The following ARHGEF17 variants were observed in gnomAD, a reference collection of about 807,000 sequenced individuals.
The protein encoded by ARHGEF17 is Rho guanine nucleotide exchange factor 17, also known as 164 kDa Rho-specific guanine-nucleotide exchange factor.
Under a neutral mutation model 174.0 loss-of-function variants are expected in ARHGEF17, and 80 were observed. The observed-to-expected ratio is 0.46, with a 90% CI of 0.38 to 0.55. The LOEUF is 0.55. Among genes scored for constraint, ARHGEF17 ranks in the 20% least tolerant of loss-of-function variants. ARHGEF17 has a pLI of 0.00. For synonymous variants in ARHGEF17, 1,311 were observed against 1,189.1 expected (o/e 1.10, Z -2.11); for missense variants, 2,886 against 2,839.7 (o/e 1.02, Z -0.37).
intron 1 of ARHGEF17, among the ~76,000 whole-genome samples, chr11:73,331,071 G>GAGGC (rs1440540092): frequency 6.6e-6 from 1 of 152,186 alleles, no homozygotes; most frequent in Non-Finnish European, 1.5e-5. Context: ...TCCCTACCGT[G>GAGGC]AGGCAGGCAC....
Position 73,346,999 on chromosome 11 carries a change from T to C in ARHGEF17, c.3270+39T>C, listed in dbSNP as rs543611468. 1.2e-4 allele frequency: 183 copies of C among 1,571,432 alleles called. 2 individuals carry two copies. In the South Asian group the frequency reaches 2.0e-3, roughly 17 times the overall value. On this transcript the variant is annotated intron_variant, in intron 2 of 20. Transcript: ENST00000263674. Reference sequence around the variant, plus strand: ...CCCACTCCCCTGAGAATGGCCTTTCTGAGCCTAGGAGGCTGTCAGATGGGT... The same window carrying C: ...CCCACTCCCCTGAGAATGGCCTTTCCGAGCCTAGGAGGCTGTCAGATGGGT...
intron 1 of ARHGEF17, among the ~76,000 whole-genome samples, chr11:73,342,168 TCTAGGGGTGGGAGC>T (rs1865381130): frequency 2.0e-5 from 3 of 150,070 alleles, no homozygotes; most frequent in Non-Finnish European, 3.0e-5. Flanking sequence ...GGGAGCACAG[TCTAGGGGTGGGAGC>T]ACAGTCTAGG....
At chr11:73,327,685 A>G (rs1435416734) in intron 1 of ARHGEF17, among the ~76,000 whole-genome samples, 1 of 152,160 alleles carries the variant, frequency 6.6e-6, no homozygotes, top group Non-Finnish European at 1.5e-5. Context: ...GGTTGGAGGA[A>G]CTACTGTGGC....
chr11:73,314,506 A>T (rs1383020271), intron 1 of ARHGEF17, among the ~76,000 whole-genome samples: 5 of 152,104 alleles, frequency 3.3e-5, no homozygotes, highest in African/African-American at 1.2e-4. Context: ...GTACAGTGGG[A>T]GGTTAGACTG....
At position 73,312,734 on chromosome 11, in the gene ARHGEF17, T is replaced by TC. The variant is rs1328889768; in HGVS notation, c.3192+905dup. ...GGGCTGCCTCTATGGGTCTGGGGGG[T>TC]CGGTTCTTGTTCCCCCATCCTGTCT... On this transcript the variant is annotated intron_variant, in intron 1 of 20. Coordinates refer to ENST00000263674, the MANE Select transcript of ARHGEF17 (RefSeq NM_014786.4). Among the ~76,000 whole-genome samples the TC allele has an allele frequency of 9.1e-4, 138 of 150,960 alleles. 1 individual carries two copies. Among genetic ancestry groups the TC allele is most frequent in the African/African-American group, 3.2e-3 (132 of 41,058 alleles).
At chr11:73,325,699 G>C (rs1229744892) in intron 1 of ARHGEF17, among the ~76,000 whole-genome samples, 1 of 152,216 alleles carries the variant, frequency 6.6e-6, no homozygotes, top group African/African-American at 2.4e-5. Flanking sequence ...GAGTAGATTG[G>C]GGCAGCCAGA....
At chr11:73,316,092 GC>G (rs1240632735) in intron 1 of ARHGEF17, among the ~76,000 whole-genome samples, 1 of 152,198 alleles carries the variant, frequency 6.6e-6, no homozygotes, top group East Asian at 1.9e-4. Flanking sequence ...CTGGAAACTG[GC>G]CGAGGGACTT....
Position 73,362,062 on chromosome 11 carries a change from T to C in ARHGEF17, c.4517T>C (p.Leu1506Pro). ...GMQFSCAAPT[L>P]NSCPEPSPEV... Reference sequence around the variant, plus strand: ...CAGTTCTCCTGTGCGGCTCCCACCCTGAACAGCTGCCCGGAGCCCTCGCCT... The same window carrying C: ...CAGTTCTCCTGTGCGGCTCCCACCCCGAACAGCTGCCCGGAGCCCTCGCCT... The change falls in exon 13 of 21, where the codon CTG becomes CCG. Residue 1506 changes from leucine (L) to proline (P), a missense_variant. Leu to Pro is a moderately conservative substitution (Grantham distance 98). This residue lies in a region of ARHGEF17 where 476 missense variants were observed against 473.1 expected (regional missense o/e 1.01). Transcript: ENST00000263674. 1 of 1,612,682 alleles carries C rather than the reference T, an allele frequency of 6.2e-7. No individual in the cohort carries two copies. Among genetic ancestry groups the C allele is most frequent in the Non-Finnish European group, 8.5e-7 (1 of 1,179,820 alleles).
At chr11:73,323,780 G>T (rs1865056400) in intron 1 of ARHGEF17, among the ~76,000 whole-genome samples, 1 of 151,662 alleles carries the variant, frequency 6.6e-6, no homozygotes, top group Non-Finnish European at 1.5e-5. Context: ...CCCCAAGGCT[G>T]GTGGAGGAAT....
intron 11 of ARHGEF17, 32 bp downstream of exon 11, chr11:73,360,565 C>G (rs759546523): frequency 1.2e-6 from 2 of 1,610,752 alleles, no homozygotes; most frequent in South Asian, 2.2e-5. Context: ...CCCTCTCCTC[C>G]TAGAGCTTCC....
At chr11:73,366,004 C>T (rs1023188727) in intron 20 of ARHGEF17, 57 bp downstream of exon 20, 1 of 1,556,536 alleles carries the variant, frequency 6.4e-7, no homozygotes, top group African/African-American at 1.3e-5. Context: ...TTTAGGACTC[C>T]CCACTATCCT....
chr11:73,336,924 C>G (rs1412029460), intron 1 of ARHGEF17, among the ~76,000 whole-genome samples: 7 of 152,338 alleles, frequency 4.6e-5, no homozygotes. Flanking sequence ...CTGGGCTTCC[C>G]CACAACGTGG....
chr11:73,308,508 C>G lies in ARHGEF17; in HGVS notation c.-131C>G. 1 of 796,642 alleles carries G rather than the reference C, an allele frequency of 1.3e-6. No individual in the cohort carries two copies. Among genetic ancestry groups the G allele is most frequent in the South Asian group, 2.8e-5 (1 of 36,348 alleles). The allele number at this position is 796,642 out of a possible 1,614,324, so 49.3% of individuals were successfully genotyped here. On this transcript the variant is annotated 5_prime_UTR_variant, in exon 1 of 21. Coordinates refer to ENST00000263674, the MANE Select transcript of ARHGEF17 (RefSeq NM_014786.4). ...GCGGCAGAGAAACCTCTGCTCCGGT[C>G]TCTGCGTCCTCTTCCCACACTCCCG...
At chr11:73,356,028 GC>G in intron 5 of ARHGEF17, 75 bp downstream of exon 5, 1 of 1,590,366 alleles carries the variant, frequency 6.3e-7, no homozygotes, top group East Asian at 2.2e-5. Context: ...TAAGGCCCCT[GC>G]CTCGTTGAGC....
At position 73,357,042 on chromosome 11, in the gene ARHGEF17, G is replaced by A; in HGVS notation, c.3909G>A (p.Lys1303=). Residue 1303 remains lysine, a synonymous_variant, in exon 8 of 21, where the codon AAG becomes AAA. Coordinates refer to ENST00000263674, the MANE Select transcript of ARHGEF17 (RefSeq NM_014786.4). ...MVIEVKAIGG[K]KDRSLFLFTD... ...CTCCACAGAAGGCGATCGGTGGCAA[G>A]AAGGACCGGTCTCTCTTCCTGTTCA... The A allele has an allele frequency of 1.2e-6, 2 of 1,614,180 alleles. No homozygotes were observed. Among genetic ancestry groups the A allele is most frequent in the Non-Finnish European group, 1.7e-6 (2 of 1,180,036 alleles).
rs1317128001 is a variant in ARHGEF17 at position 73,360,361 on chromosome 11, C to T, written c.4248C>T (p.His1416=). 3.1e-6 allele frequency: 5 copies of T among 1,613,784 alleles called. No individual in the cohort carries two copies. The highest frequency in any genetic ancestry group is 3.3e-5 in the Admixed American group (2 of 60,012). ...TGCGGGACCTCTCAGCTGCCATGCA[C>T]CGGGACCTGTCGGAGAAGCAGGCGC... ...DALRDLSAAM[H]RDLSEKQALC... The change falls in exon 11 of 21, where the codon CAC becomes CAT. Residue 1416 remains histidine, a synonymous_variant. Transcript: ENST00000263674.
intron 1 of ARHGEF17, among the ~76,000 whole-genome samples, chr11:73,335,129 G>C (rs1565196087): frequency 6.6e-6 from 1 of 152,194 alleles, no homozygotes. Context: ...ATAGGGGAAG[G>C]TGGGTGCATT....
At chr11:73,364,306 G>T in intron 17 of ARHGEF17, 67 bp downstream of exon 17, 3 of 1,606,766 alleles carry the variant, frequency 1.9e-6, no homozygotes, top group Middle Eastern at 3.3e-4. Context: ...CTCTCCTGGA[G>T]ATGTGGCTTT....
At position 73,309,794 on chromosome 11, in the gene ARHGEF17, G is replaced by T; in HGVS notation, c.1156G>T (p.Gly386Cys). ...TCCCTCGTACCTGGCCAGCCCCGCA[G>T]GCTCCCGCGGTAGCAGCCGTTATTC... ...SFPSYLASPA[G>C]SRGSSRYSST... Residue 386 changes from glycine (G) to cysteine (C), a missense_variant, in exon 1 of 21, where the codon GGC becomes TGC. Gly to Cys is a radical substitution (Grantham distance 159). Transcript: ENST00000263674. 1 of 1,613,032 alleles carries T rather than the reference G, an allele frequency of 6.2e-7. No homozygotes were observed. Among genetic ancestry groups the T allele is most frequent in the Non-Finnish European group, 8.5e-7 (1 of 1,180,012 alleles).
Sources: allele counts gnomAD v4.1 joint callset (sites outside exome capture counted in the v4.1 genomes callset), GRCh38; gene constraint gnomAD v4.1.1; regional missense constraint gnomAD v4.1.1; transcripts MANE v1.5; gene names NCBI Gene and HGNC (gene_info 2026-07-23, HGNC 2026-07-21).